Variants in LMLN observed in about 807,000 individuals in gnomAD.
LMLN encodes leishmanolysin-like peptidase.
Under a neutral mutation model 92.3 loss-of-function variants are expected in LMLN, and 70 were observed. That is an observed-to-expected ratio of 0.76 (90% CI 0.63 to 0.92). The LOEUF (loss-of-function observed/expected upper bound fraction) is 0.92, where lower values mean the gene tolerates loss of function less well. Among genes scored for constraint, LMLN ranks in the 40% least tolerant of loss-of-function variants. The probability of loss-of-function intolerance (pLI) is 0.00; values close to 1 mark genes in which losing one functional copy is unlikely to be tolerated. For missense variants in LMLN, 691 were observed against 814.6 expected, an observed-to-expected ratio of 0.85 and a Z score of 1.85; for synonymous variants, 308 against 296.2, an observed-to-expected ratio of 1.04 and a Z score of -0.41.
At chr3:198,016,509 G>A (rs1722646282) in intron 11 of LMLN, among the ~76,000 whole-genome samples, 1 of 152,200 alleles carries the variant, frequency 6.6e-6, no homozygotes, top group South Asian at 2.1e-4. Flanking sequence ...TGAGAGCCGG[G>A]CACTAGCATT....
intron 7 of LMLN, among the ~76,000 whole-genome samples, chr3:197,985,424 CACAG>C (rs1192028309): frequency 2.6e-5 from 4 of 151,400 alleles, no homozygotes; most frequent in Non-Finnish European, 5.9e-5. Context: ...CACACACACA[CACAG>C]AGCAAACAGG....
chr3:198,022,031 G>A (rs1015071078), intron 13 of LMLN, among the ~76,000 whole-genome samples: 4 of 152,320 alleles, frequency 2.6e-5, no homozygotes, highest in African/African-American at 9.6e-5. Flanking sequence ...TAGGCGGATA[G>A]ATACTAAGTG....
intron 1 of LMLN, among the ~76,000 whole-genome samples, chr3:197,968,242 G>T (rs929899317): frequency 1.3e-5 from 2 of 151,954 alleles, no homozygotes; most frequent in African/African-American, 2.4e-5. Context: ...CGAGGCGGGC[G>T]GATCACGAGG....
intron 11 of LMLN, among the ~76,000 whole-genome samples, chr3:198,018,651 C>CT (rs889008638): frequency 1.2e-3 from 187 of 152,006 alleles, no homozygotes; most frequent in African/African-American, 4.3e-3. Flanking sequence ...TTAATACAGG[C>CT]TTTTTTTTCC....
At chr3:197,962,791 T>A (rs569938366) in intron 1 of LMLN, among the ~76,000 whole-genome samples, 1 of 151,590 alleles carries the variant, frequency 6.6e-6, no homozygotes, top group Admixed American at 6.6e-5. Flanking sequence ...TTGCCCCATA[T>A]GGGTATTCAG....
intron 3 of LMLN, among the ~76,000 whole-genome samples, chr3:197,975,362 A>C (rs937442308): frequency 7.9e-5 from 12 of 151,578 alleles, no homozygotes; most frequent in Admixed American, 7.9e-4. Flanking sequence ...ATAGGGTGAA[A>C]AACAATTTTT....
chr3:197,994,572 A>G (rs1045769051), intron 9 of LMLN: 17 of 152,204 alleles, frequency 1.1e-4, no homozygotes, highest in East Asian at 3.9e-4. Context: ...TTTTATGCCT[A>G]TCAGATGACT....
intron 5 of LMLN, 115 bp from the exon 6 acceptor site, chr3:197,980,211 G>C (rs773217606): frequency 2.3e-5 from 18 of 798,730 alleles, no homozygotes; most frequent in Non-Finnish European, 3.4e-5. Context: ...AAAGTTTAGG[G>C]ATAATAAAGA....
Position 198,035,793 on chromosome 3 carries a change from A to G in LMLN, c.1657-40A>G. 4 of 1,422,164 alleles carry G rather than the reference A, an allele frequency of 2.8e-6. No individual in the cohort carries two copies. The South Asian group carries it at 3.6e-5, about 13-fold the overall frequency. 88.1% of individuals were successfully genotyped at this position (1,422,164 alleles called of 1,614,324 possible). On this transcript the variant is annotated intron_variant, in intron 14 of 15. Transcript: ENST00000330198. ...TCTCTTAGAATCTTACTGACCTGAT[A>G]TTTATTATTTTTATATATCTATTTT...
intron 14 of LMLN, among the ~76,000 whole-genome samples, chr3:198,030,746 T>A (rs1481359607): frequency 6.6e-6 from 1 of 152,244 alleles, no homozygotes; most frequent in African/African-American, 2.4e-5. Context: ...TTTGGATTTT[T>A]TTTATTTTAA....
chr3:198,010,242 C>T (rs1371762757), intron 11 of LMLN, among the ~76,000 whole-genome samples: 1 of 152,156 alleles, frequency 6.6e-6, no homozygotes, highest in African/African-American at 2.4e-5. Context: ...CAGCCTCCGC[C>T]TCCCGGGTTC....
chr3:198,041,919 CT>C lies in LMLN; in HGVS notation c.*3255del, dbSNP rs1723417217. On this transcript the variant is annotated 3_prime_UTR_variant, in exon 16 of 16. Transcript: ENST00000330198. Reference sequence around the variant, plus strand: ...TTTTTATACTTGAAATATATTTTTGCTTTATTTTTTATTGATATAATTATAT... The same window carrying C: ...TTTTTATACTTGAAATATATTTTTGCTTATTTTTTATTGATATAATTATAT... 4 of 152,046 alleles carry C rather than the reference CT, an allele frequency of 2.6e-5. No homozygotes were observed. The Middle Eastern group carries it at 0.01, about 388-fold the overall frequency. The allele number at this position is 152,046 out of a possible 1,614,324, so 9.4% of individuals were successfully genotyped here.
chr3:198,040,504 C>CCTCCATGGCATTG (rs1723372117), exon 16 of LMLN: 1 of 149,452 alleles, frequency 6.7e-6, no homozygotes, highest in Non-Finnish European at 1.5e-5. Flanking sequence ...CTATGGCATT[C>CCTCCATGGCATTG]TAACCACAAC....
rs1182676337 is a variant in LMLN, at chr3:198,025,377, C to CT, written c.1656+594dup. On this transcript the variant is annotated intron_variant, in intron 14 of 15. Transcript: ENST00000330198. This position sits in a 1 kb window ranked among gnomAD's most constrained non-coding sequence, Gnocchi z 4.3. ...CAAACTACAATTTTTTTTCCTTTTTCTTTTTCTTTTTTTTGAGACAAGGTC... is the reference window on the plus strand; with the variant it reads ...CAAACTACAATTTTTTTTCCTTTTTCTTTTTTCTTTTTTTTGAGACAAGGTC... 6.6e-6 allele frequency among the ~76,000 whole-genome samples: 1 copy of CT among 151,854 alleles called. No homozygotes were observed. The highest frequency in any genetic ancestry group is 2.4e-5 in the African/African-American group (1 of 41,336).
In LMLN at chr3:198,019,268, C is replaced by T; in HGVS notation, c.1248C>T (p.Ser416=). 4.3e-6 allele frequency: 7 copies of T among 1,613,344 alleles called. No individual in the cohort carries two copies. The highest frequency in any genetic ancestry group is 5.1e-6 in the Non-Finnish European group (6 of 1,179,824). The stretch of plus-strand genomic sequence containing the variant: ...TTGTTTGCAGGAGACAGATGCTGAG[C>T]CCTTACTGTGACACGCTCAGAAGTA... Residue 416 remains serine, a synonymous_variant, in exon 12 of 16, where the codon AGC becomes AGT. Transcript: ENST00000330198. The surrounding 1 kb of genome is among the most constrained non-coding windows in gnomAD (Gnocchi z 5.5).
Position 197,979,242 on chromosome 3 carries a change from T to C in LMLN, c.550-1084T>C, listed in dbSNP as rs1721487685. On this transcript the variant is annotated intron_variant, in intron 5 of 15. Coordinates refer to ENST00000330198, the Ensembl canonical transcript of LMLN. Reference sequence around the variant, plus strand: ...TCTATTAAATGAAATGAGAATTTGTTTTTTTTCCCTCTACAAGTATTGCTT... The same window carrying C: ...TCTATTAAATGAAATGAGAATTTGTCTTTTTTCCCTCTACAAGTATTGCTT... 2.0e-5 allele frequency among the ~76,000 whole-genome samples: 3 copies of C among 152,210 alleles called. No individual in the cohort carries two copies. In the South Asian group the frequency reaches 6.2e-4, roughly 32 times the overall value.
intron 1 of LMLN, among the ~76,000 whole-genome samples, 154 bp downstream of exon 1, chr3:197,960,594 C>T (rs1328622751): frequency 6.6e-6 from 1 of 152,124 alleles, no homozygotes; most frequent in Admixed American, 6.5e-5. Context: ...GCTCTCAGCT[C>T]CCTACACCCT....
intron 11 of LMLN, among the ~76,000 whole-genome samples, chr3:198,006,943 C>G (rs1348441524): frequency 6.6e-6 from 1 of 152,140 alleles, no homozygotes; most frequent in Non-Finnish European, 1.5e-5. Flanking sequence ...GAACTCCTGA[C>G]CTCGTGATCC....
rs185296298 is a variant in LMLN, at chr3:197,977,193, G to A, written c.549+478G>A. Among the ~76,000 whole-genome samples, 218 of 152,268 alleles carry A rather than the reference G, an allele frequency of 1.4e-3. 1 individual carries two copies. Among genetic ancestry groups the A allele is most frequent in the Middle Eastern group, 6.8e-3 (2 of 294 alleles). ...TTATGTTAAGTTATGGTATAACCACGTAGTAGAATACTGTGCAGTTGTTAA... is the reference window on the plus strand; with the variant it reads ...TTATGTTAAGTTATGGTATAACCACATAGTAGAATACTGTGCAGTTGTTAA... On this transcript the variant is annotated intron_variant, in intron 5 of 15. Coordinates refer to ENST00000330198, the Ensembl canonical transcript of LMLN.
Sources: allele counts gnomAD v4.1 joint callset (sites outside exome capture counted in the v4.1 genomes callset), GRCh38; gene constraint gnomAD v4.1.1; non-coding constraint Gnocchi (gnomAD v3.1); transcripts MANE v1.5; gene names NCBI Gene and HGNC (gene_info 2026-07-23, HGNC 2026-07-21).